The following VWA3B variants were observed in gnomAD, a reference collection of about 807,000 sequenced individuals.
VWA3B encodes von Willebrand factor A domain containing 3B, also known as von Willebrand factor A domain-containing protein 3B.
A neutral mutation model predicts 158.3 loss-of-function variants in VWA3B; 138 were observed. The ratio of observed to expected loss-of-function variants is 0.87; its 90% CI spans 0.76 to 1.00. The LOEUF is 1.00. Among genes scored for constraint, VWA3B ranks in the 50% least tolerant of loss-of-function variants. The pLI is 0.00. For missense variants in VWA3B, 1,555 were observed against 1,565.1 expected, an observed-to-expected ratio of 0.99 and a Z score of 0.11; for synonymous variants, 596 against 587.3, an observed-to-expected ratio of 1.01 and a Z score of -0.21.
the VWA3B span, among the ~76,000 whole-genome samples, chr2:98,327,877 G>A: frequency 7.2e-5 from 11 of 152,288 alleles, no homozygotes; most frequent in East Asian, 1.9e-3. Context: ...CGTACCCCAC[G>A]AAACCTCATC....
At chr2:98,297,669 C>T (rs1049297142) in intron 23 of VWA3B, among the ~76,000 whole-genome samples, 1 of 152,144 alleles carries the variant, frequency 6.6e-6, no homozygotes, top group African/African-American at 2.4e-5. Flanking sequence ...CAAGTCTAGT[C>T]CATTCTCACT....
At chr2:98,211,498 A>T (rs751555895) in intron 12 of VWA3B, among the ~76,000 whole-genome samples, 3 of 152,228 alleles carry the variant, frequency 2.0e-5, no homozygotes, top group Non-Finnish European at 2.9e-5. Flanking sequence ...ACATTGTTAG[A>T]TTGCTAAGGA....
intron 2 of VWA3B, among the ~76,000 whole-genome samples, chr2:98,105,207 A>C (rs1253207330): frequency 6.6e-6 from 1 of 152,140 alleles, no homozygotes; most frequent in Non-Finnish European, 1.5e-5. Flanking sequence ...GTTTATCTGA[A>C]ATTATCTTTA....
At chr2:98,126,619 A>G (rs1191179729) in intron 5 of VWA3B, among the ~76,000 whole-genome samples, 1 of 152,250 alleles carries the variant, frequency 6.6e-6, no homozygotes, top group African/African-American at 2.4e-5. Flanking sequence ...GGCTGGCTAC[A>G]AGGAATCTGG....
At chr2:98,238,851 A>G (rs575815910) in intron 19 of VWA3B, among the ~76,000 whole-genome samples, 2 of 152,336 alleles carry the variant, frequency 1.3e-5, no homozygotes, top group East Asian at 3.9e-4. Flanking sequence ...CATCCATACC[A>G]TAAGGGAATG....
In VWA3B at chr2:98,156,665, A is replaced by AGTT. The variant is rs1371814845; in HGVS notation, c.989-6185_989-6183dup. Among the ~76,000 whole-genome samples, 46 of 91,616 alleles carry AGTT rather than the reference A, an allele frequency of 5.0e-4. 1 individual carries two copies. Among genetic ancestry groups the AGTT allele is most frequent in the African/African-American group, 1.0e-3 (28 of 26,884 alleles). 60.1% of individuals were successfully genotyped at this position (91,616 alleles called of 152,430 possible). ...TGGATGGAAAAACTGAAAAAAACTCAGTTTTTTTTTTTTTTTTTTTGTAAA... is the reference window on the plus strand; with the variant it reads ...TGGATGGAAAAACTGAAAAAAACTCAGTTGTTTTTTTTTTTTTTTTTTTGTAAA... On this transcript the variant is annotated intron_variant, in intron 7 of 27. Coordinates refer to ENST00000477737, the MANE Select transcript of VWA3B (RefSeq NM_144992.5).
At chr2:98,135,975 C>T (rs1425411595) in intron 7 of VWA3B, among the ~76,000 whole-genome samples, 2 of 152,040 alleles carry the variant, frequency 1.3e-5, no homozygotes, top group African/African-American at 2.4e-5. Context: ...GCCACCCTCT[C>T]GTTTGGTGGG....
intron 5 of VWA3B, among the ~76,000 whole-genome samples, chr2:98,124,306 C>T (rs1489725340): frequency 6.6e-6 from 1 of 152,174 alleles, no homozygotes; most frequent in Non-Finnish European, 1.5e-5. Flanking sequence ...CAAGCTATGG[C>T]ATAGATTTGG....
intron 7 of VWA3B, among the ~76,000 whole-genome samples, chr2:98,157,205 T>C (rs1678160839): frequency 6.6e-6 from 1 of 152,206 alleles, no homozygotes; most frequent in Admixed American, 6.5e-5. Context: ...GCTTCTAAGA[T>C]AACATAATGG....
chr2:98,090,406 T>G (rs1010757339), intron 1 of VWA3B, among the ~76,000 whole-genome samples: 16 of 152,336 alleles, frequency 1.1e-4, no homozygotes, highest in Admixed American at 3.3e-4. Flanking sequence ...TATTTGCACA[T>G]AGCTGTTTCC....
At chr2:98,210,830 C>T (rs1376119812) in intron 12 of VWA3B, among the ~76,000 whole-genome samples, 1 of 152,100 alleles carries the variant, frequency 6.6e-6, no homozygotes, top group African/African-American at 2.4e-5. Context: ...GTAATGTGAC[C>T]CAGGCACCGT....
At chr2:98,236,107 T>C (rs1685659309) in intron 17 of VWA3B, among the ~76,000 whole-genome samples, 1 of 152,208 alleles carries the variant, frequency 6.6e-6, no homozygotes, top group South Asian at 2.1e-4. Flanking sequence ...GGTATTTTTA[T>C]TGCACACTTT....
chr2:98,283,105 A>G (rs1688978266), intron 22 of VWA3B, among the ~76,000 whole-genome samples: 1 of 152,266 alleles, frequency 6.6e-6, no homozygotes, highest in African/African-American at 2.4e-5. Context: ...TGGCTAAGAA[A>G]TTGAGAGAAT....
In VWA3B at chr2:98,133,835, T is replaced by C. The variant is rs1676050722; in HGVS notation, c.884T>C (p.Phe295Ser). 3 of 1,613,932 alleles carry C rather than the reference T, an allele frequency of 1.9e-6. No homozygotes were observed. The highest frequency in any genetic ancestry group is 1.3e-5 in the African/African-American group (1 of 74,890). ...SAKTHSRFHA[F>S]AERTECVEFP... The stretch of plus-strand genomic sequence containing the variant: ...TCTTCACGTTTCAGATTCCACGCAT[T>C]TGCCGAGAGAACAGAGTGTGTAGAA... The change falls in exon 7 of 28, where the codon TTT (phenylalanine) becomes TCT (serine). Residue 295 changes from phenylalanine to serine, a missense_variant. By Grantham distance (155) the Phe-to-Ser change is radical (BLOSUM62 -2). Transcript: ENST00000477737.
At chr2:98,310,728 A>G (rs997738116) in intron 26 of VWA3B, among the ~76,000 whole-genome samples, 5 of 152,198 alleles carry the variant, frequency 3.3e-5, no homozygotes, top group African/African-American at 9.7e-5. Flanking sequence ...CACAGAACCT[A>G]TACATCCACA....
chr2:98,279,128 G>A (rs894286870), intron 22 of VWA3B, among the ~76,000 whole-genome samples: 23 of 152,178 alleles, frequency 1.5e-4, no homozygotes, highest in African/African-American at 4.6e-4. Flanking sequence ...ACTGTGCCAC[G>A]TTTATCTAGG....
At chr2:98,241,422 C>CGGGCAGTCAGGAGGCAGTTGGGGAGATGG (rs1686064114) in intron 19 of VWA3B, among the ~76,000 whole-genome samples, 1 of 151,466 alleles carries the variant, frequency 6.6e-6, no homozygotes, top group African/African-American at 2.4e-5. Context: ...GTTGGAGAGG[C>CGGGCAGTCAGGAGGCAGTTGGGGAGATGG]GGGCAGTCAG....
intron 10 of VWA3B, among the ~76,000 whole-genome samples, chr2:98,188,511 C>T (rs1681316567): frequency 6.6e-6 from 1 of 152,216 alleles, no homozygotes; most frequent in African/African-American, 2.4e-5. Flanking sequence ...CCCTACCTTT[C>T]TCAGTCTCTA....
At chr2:98,153,756 G>A (rs1677829585) in intron 7 of VWA3B, among the ~76,000 whole-genome samples, 1 of 152,218 alleles carries the variant, frequency 6.6e-6, no homozygotes. Flanking sequence ...AGCCGGAGCG[G>A]CTGTGCATCC....
Sources: gnomAD v4.1 joint callset for allele counts (sites outside exome capture counted in the v4.1 genomes callset) on GRCh38, gnomAD v4.1.1 for gene constraint, MANE v1.5 for transcripts, NCBI Gene and HGNC (gene_info 2026-07-23, HGNC 2026-07-21) for gene names.